APBB2: variants seen among roughly 807,000 people sequenced by gnomAD.
The protein encoded by APBB2 is Fe65-like 1.
A neutral mutation model predicts 82.5 loss-of-function variants in APBB2; 38 were observed. The ratio of observed to expected loss-of-function variants is 0.46; its 90% CI spans 0.36 to 0.60. The LOEUF (loss-of-function observed/expected upper bound fraction) is 0.60. Ranked by LOEUF, APBB2 falls within the 20% of genes least tolerant of loss-of-function variation. APBB2 has a pLI of 0.00. For missense variants in APBB2, 772 were observed against 972.3 expected (o/e 0.79, Z 2.74); for synonymous variants, 341 against 368.2 (o/e 0.93, Z 0.85).
At chr4:40,853,738 T>A (rs1020450483) in intron 12 of APBB2, among the ~76,000 whole-genome samples, 1 of 152,086 alleles carries the variant, frequency 6.6e-6, no homozygotes, top group African/African-American at 2.4e-5. Context: ...ATTACAGATA[T>A]GAGCCACCAC....
At chr4:40,921,028 C>A (rs1159135845) in intron 10 of APBB2, among the ~76,000 whole-genome samples, 48 of 152,208 alleles carry the variant, frequency 3.2e-4, no homozygotes, top group Non-Finnish European at 4.4e-5. Context: ...AGCCACCGAA[C>A]CCTCTGTGCC....
At chr4:41,183,873 A>G (rs1200664416) in intron 1 of APBB2, among the ~76,000 whole-genome samples, 1 of 152,094 alleles carries the variant, frequency 6.6e-6, no homozygotes, top group African/African-American at 2.4e-5. Flanking sequence ...ATTCAAGCGC[A>G]CTACAGTTAT....
Position 41,147,413 on chromosome 4 carries a change from G to A in APBB2, c.-416-4271C>T, listed in dbSNP as rs185384658. Among the ~76,000 whole-genome samples the A allele has an allele frequency of 2.3e-3, 341 of 150,566 alleles. 1 individual carries two copies. The highest frequency in any genetic ancestry group is 7.9e-3 in the African/African-American group (325 of 40,924). On this transcript the variant is annotated intron_variant, in intron 1 of 17. Coordinates refer to ENST00000508593, the MANE Select transcript of APBB2 (RefSeq NM_004307.2). ...ATATGTCAGTTGGTCTTTGGCCTCC[G>A]TGAATGGATCTGGCAAAATGTGCAC...
At chr4:40,954,857 G>T (rs1162950161) in intron 6 of APBB2, among the ~76,000 whole-genome samples, 1 of 152,096 alleles carries the variant, frequency 6.6e-6, no homozygotes, top group Non-Finnish European at 1.5e-5. Flanking sequence ...TAGAGTCAGG[G>T]TTCCACCATG....
chr4:40,924,827 G>A (rs150948242), intron 10 of APBB2, among the ~76,000 whole-genome samples: 4 of 152,340 alleles, frequency 2.6e-5, no homozygotes, highest in East Asian at 1.9e-4. Flanking sequence ...TACATAGCAC[G>A]CAGGAACAGA....
chr4:41,108,129 T>C (rs988684751), intron 2 of APBB2, among the ~76,000 whole-genome samples: 2 of 152,136 alleles, frequency 1.3e-5, no homozygotes, highest in Non-Finnish European at 2.9e-5. Context: ...TTTAAGTGTG[T>C]GCGTGTAAAG....
At position 40,932,528 on chromosome 4, in the gene APBB2, T is replaced by C. The variant is rs200042951; in HGVS notation, c.1254+1928A>G. Among the ~76,000 whole-genome samples the C allele has an allele frequency of 4.6e-5, 7 of 152,180 alleles. No individual in the cohort carries two copies. In the East Asian group the frequency reaches 1.3e-3, roughly 29 times the overall value. ...TTGAACCTGTATGGTGTTCCCCTCT[T>C]AAGTGCTACTAAGAAAACCTATTTG... On this transcript the variant is annotated intron_variant, in intron 10 of 17. Transcript: ENST00000508593.
chr4:40,830,609 AAG>A, intron 12 of APBB2, 32 bp from the exon 13 acceptor site: 1 of 1,342,266 alleles, frequency 7.5e-7, no homozygotes, highest in Non-Finnish European at 1.1e-6. Flanking sequence ...GTCCATTAGT[AAG>A]AGAAGCTGAT....
At chr4:40,908,550 C>T (rs547142693) in intron 10 of APBB2, among the ~76,000 whole-genome samples, 20 of 152,226 alleles carry the variant, frequency 1.3e-4, no homozygotes, top group South Asian at 2.1e-4. Flanking sequence ...GTGCACAACA[C>T]GCCTCCTCCC....
At chr4:40,969,915 A>G (rs1304004065) in intron 6 of APBB2, among the ~76,000 whole-genome samples, 1 of 152,228 alleles carries the variant, frequency 6.6e-6, no homozygotes, top group Non-Finnish European at 1.5e-5. Context: ...GCTTGCATCT[A>G]TATTCTTCAC....
intron 4 of APBB2, among the ~76,000 whole-genome samples, chr4:41,044,453 C>T (rs1722648500): frequency 6.6e-6 from 1 of 152,156 alleles, no homozygotes. Context: ...CTTGAGATGT[C>T]CCAAGCTCAT....
intron 12 of APBB2, among the ~76,000 whole-genome samples, chr4:40,882,621 T>C (rs1768959780): frequency 6.6e-6 from 1 of 152,180 alleles, no homozygotes; most frequent in East Asian, 1.9e-4. Flanking sequence ...CTGGCAGTTC[T>C]CCTTCGAGTG....
chr4:41,099,187 CTGTGTGTA>C (rs1438133751), intron 3 of APBB2, among the ~76,000 whole-genome samples: 6 of 152,134 alleles, frequency 3.9e-5, no homozygotes. Flanking sequence ...GTGTCTATGT[CTGTGTGTA>C]TGTGTGTTTG....
At chr4:41,128,345 G>A (rs1755002013) in intron 2 of APBB2, among the ~76,000 whole-genome samples, 1 of 152,168 alleles carries the variant, frequency 6.6e-6, no homozygotes, top group Non-Finnish European at 1.5e-5. Context: ...AGCCACTGAG[G>A]AAAGCAGTTT....
At position 41,116,813 on chromosome 4, in the gene APBB2, A is replaced by T. The variant is rs555017073; in HGVS notation, c.-260-16063T>A. Among the ~76,000 whole-genome samples, 3 of 152,276 alleles carry T rather than the reference A, an allele frequency of 2.0e-5. No individual in the cohort carries two copies. The East Asian group carries it at 5.8e-4, about 29-fold the overall frequency. ...AAAACTTTTAGAAAAGCTGAAATAT[A>T]TATCTGTCAAAAGCATTTATGGCCT... On this transcript the variant is annotated intron_variant, in intron 2 of 17. Transcript: ENST00000508593.
chr4:41,049,619 C>A (rs1482329293), intron 4 of APBB2, among the ~76,000 whole-genome samples: 1 of 152,178 alleles, frequency 6.6e-6, no homozygotes, highest in African/African-American at 2.4e-5. Context: ...GGCCACCACC[C>A]CGTCTGGGAG....
intron 12 of APBB2, among the ~76,000 whole-genome samples, chr4:40,885,459 T>A (rs561731424): frequency 4.1e-4 from 62 of 152,240 alleles, no homozygotes; most frequent in African/African-American, 1.4e-3. Flanking sequence ...TGCTAGGAGA[T>A]AAATTACCTG....
intron 3 of APBB2, among the ~76,000 whole-genome samples, chr4:41,090,355 A>T (rs1005659126): frequency 2.0e-5 from 3 of 152,226 alleles, no homozygotes; most frequent in African/African-American, 7.2e-5. Context: ...TTCCCTAAAC[A>T]CTACCCATCA....
At chr4:40,888,969 G>A (rs1436170683) in intron 12 of APBB2, among the ~76,000 whole-genome samples, 3 of 152,226 alleles carry the variant, frequency 2.0e-5, no homozygotes, top group Non-Finnish European at 4.4e-5. Context: ...TTTTAATGAC[G>A]ACCAAATATC....
Sources: allele counts gnomAD v4.1 joint callset (sites outside exome capture counted in the v4.1 genomes callset), GRCh38; gene constraint gnomAD v4.1.1; transcripts MANE v1.5; gene names NCBI Gene and HGNC (gene_info 2026-07-23, HGNC 2026-07-21).